The following CRACD variants were observed in gnomAD, a reference collection of about 807,000 sequenced individuals.
CRACD encodes capping protein inhibiting regulator of actin dynamics, also known as capping protein-inhibiting regulator of actin dynamics.
In CRACD, 56 loss-of-function variants were observed where a neutral mutation model predicts 106.8. The observed-to-expected ratio is 0.52, with a 90% CI of 0.42 to 0.66. The LOEUF is 0.66. Ranked by LOEUF, CRACD falls within the 30% of genes least tolerant of loss-of-function variation. The probability of loss-of-function intolerance (pLI) is 0.00; values close to 1 mark genes in which losing one functional copy is unlikely to be tolerated. For synonymous variants in CRACD, 754 were observed against 670.8 expected (o/e 1.12, Z -1.92); for missense variants, 1,730 against 1,623.2 (o/e 1.07, Z -1.13).
rs755678719 is a variant in CRACD, at chr4:56,314,658, T to G, written c.1156T>G (p.Leu386Val). 1.3e-6 allele frequency: 2 copies of G among 1,543,402 alleles called. No homozygotes were observed. Among genetic ancestry groups the G allele is most frequent in the Non-Finnish European group, 8.7e-7 (1 of 1,143,908 alleles). The change falls in exon 8 of 11, where the codon TTG becomes GTG. Residue 386 changes from leucine to valine, a missense_variant. Leu to Val is a conservative substitution (Grantham distance 32). Around this residue, in one of 5 missense-constraint regions of CRACD, gnomAD observed 1,620 missense variants for 1,481.6 expected, o/e 1.09. Coordinates refer to ENST00000682029, the MANE Select transcript of CRACD (RefSeq NM_001393381.1). This position sits in a 1 kb window ranked among gnomAD's most constrained non-coding sequence, Gnocchi z 4.4. Reference sequence around the variant, plus strand: ...GGAGGTGCAGGGGCCGCCCGAGGCGTTGGAGGAGACTGGGGAGGGCCGGCG... The same window carrying G: ...GGAGGTGCAGGGGCCGCCCGAGGCGGTGGAGGAGACTGGGGAGGGCCGGCG... ...EAEVQGPPEA[L>V]EETGEGRRGA... is the part of the protein sequence containing the mutation.
intron 1 of CRACD, among the ~76,000 whole-genome samples, chr4:56,100,414 A>T (rs1024377958): frequency 3.3e-5 from 5 of 152,236 alleles, no homozygotes; most frequent in African/African-American, 1.2e-4. Context: ...CATTTTAGTG[A>T]CAAGAAGCAA....
At chr4:56,174,621 T>G (rs1447668555) in intron 1 of CRACD, among the ~76,000 whole-genome samples, 3 of 152,254 alleles carry the variant, frequency 2.0e-5, no homozygotes, top group Non-Finnish European at 4.4e-5. Context: ...ATTTCATTTT[T>G]TATGGCTAAA....
rs769452031 is a variant in CRACD, at chr4:56,314,425, GT to G, written c.924del (p.Glu309ArgfsTer115). On this transcript the variant is annotated frameshift_variant, in exon 8 of 11. Coordinates refer to ENST00000682029, the MANE Select transcript of CRACD (RefSeq NM_001393381.1). LOFTEE classifies it high-confidence loss of function. This position sits in a 1 kb window ranked among gnomAD's most constrained non-coding sequence, Gnocchi z 4.4. ...PGWEDAERRE[R>X]EERERLEAEE... ...TGGGAGGACGCGGAGCGGAGGGAGC[GT>G]GAGGAGCGCGAGCGCCTGGAGGCGG... 4.0e-5 allele frequency: 62 copies of G among 1,542,544 alleles called. No individual in the cohort carries two copies. The highest frequency in any genetic ancestry group is 1.4e-4 in the Admixed American group (7 of 50,208).
Position 56,049,099 on chromosome 4 carries a change from CA to C in CRACD, c.-535del. On this transcript the variant is annotated 5_prime_UTR_variant, in exon 1 of 11. Transcript: ENST00000682029. ...ACCACGCCGCGCGGGGCCGGGCGCG[CA>C]GTGCCGCGCGGTGGCGGCAGTGGGG... 1 of 149,934 alleles carries C rather than the reference CA, an allele frequency of 6.7e-6. No homozygotes were observed. Among genetic ancestry groups the C allele is most frequent in the Non-Finnish European group, 1.5e-5 (1 of 67,164 alleles). 9.3% of individuals were successfully genotyped at this position (149,934 alleles called of 1,614,324 possible). A position where few individuals can be genotyped will look rare whatever the true frequency, so the allele number is the denominator to read the frequency against.
At chr4:56,281,489 C>T (rs1292904150) in intron 3 of CRACD, among the ~76,000 whole-genome samples, 1 of 152,130 alleles carries the variant, frequency 6.6e-6, no homozygotes, top group Non-Finnish European at 1.5e-5. Context: ...TCTCAGGAAG[C>T]CAGGTGTCTC....
chr4:56,276,768 C>T (rs568438305), intron 3 of CRACD, among the ~76,000 whole-genome samples: 81 of 152,334 alleles, frequency 5.3e-4, no homozygotes, highest in South Asian at 1.2e-3. Flanking sequence ...AGTCACTAGG[C>T]TCAGATGTCT....
chr4:56,249,913 T>C (rs1740948189), intron 2 of CRACD, among the ~76,000 whole-genome samples: 1 of 152,220 alleles, frequency 6.6e-6, no homozygotes, highest in Non-Finnish European at 1.5e-5. Context: ...TCCAGAATTG[T>C]AGGCAACCTG....
chr4:56,129,909 G>A (rs1405036200), intron 1 of CRACD, among the ~76,000 whole-genome samples: 2 of 152,180 alleles, frequency 1.3e-5, no homozygotes, highest in African/African-American at 4.8e-5. Context: ...ATTCAAGTGA[G>A]AATAGTCTTG....
chr4:56,132,727 G>A (rs1734867243), intron 1 of CRACD, among the ~76,000 whole-genome samples: 1 of 152,126 alleles, frequency 6.6e-6, no homozygotes, highest in African/African-American at 2.4e-5. Context: ...CTAGAGGGCA[G>A]ACACATCATT....
At chr4:56,206,342 G>T (rs1468558051) in intron 2 of CRACD, among the ~76,000 whole-genome samples, 1 of 152,150 alleles carries the variant, frequency 6.6e-6, no homozygotes, top group South Asian at 2.1e-4. Flanking sequence ...CACTGCATGC[G>T]TGCCCTGAGA....
chr4:56,103,412 A>G (rs1733844618), intron 1 of CRACD, among the ~76,000 whole-genome samples: 3 of 152,206 alleles, frequency 2.0e-5, no homozygotes, highest in Admixed American at 2.0e-4. Context: ...CACCAGCCTG[A>G]GAAACATAGG....
At chr4:56,097,304 G>C (rs559866847) in intron 1 of CRACD, 3 of 152,528 alleles carry the variant, frequency 2.0e-5, no homozygotes, top group African/African-American at 7.2e-5. Flanking sequence ...AAGATGAATG[G>C]TGTGGAAGGG....
At chr4:56,280,779 A>C (rs1742995891) in intron 3 of CRACD, among the ~76,000 whole-genome samples, 1 of 152,206 alleles carries the variant, frequency 6.6e-6, no homozygotes, top group South Asian at 2.1e-4. Context: ...AAGAATCCAC[A>C]GTTGGTGCCA....
chr4:56,179,935 T>G (rs6844662), intron 2 of CRACD, among the ~76,000 whole-genome samples: 1 of 151,586 alleles, frequency 6.6e-6, no homozygotes, highest in Non-Finnish European at 1.5e-5. Flanking sequence ...GAGAATCGCT[T>G]GAACTCAGGA....
At chr4:56,063,615 G>A (rs1430751620) in intron 1 of CRACD, among the ~76,000 whole-genome samples, 1 of 151,956 alleles carries the variant, frequency 6.6e-6, no homozygotes, top group Non-Finnish European at 1.5e-5. Flanking sequence ...TTGTATAACT[G>A]GGATCTCATG....
intron 2 of CRACD, among the ~76,000 whole-genome samples, chr4:56,187,319 T>G (rs955230127): frequency 2.0e-5 from 3 of 152,038 alleles, no homozygotes; most frequent in Non-Finnish European, 4.4e-5. Context: ...GAGGTGTCAT[T>G]CGAGCTGTCT....
At chr4:56,165,841 C>T (rs972013816) in intron 1 of CRACD, among the ~76,000 whole-genome samples, 45 of 152,140 alleles carry the variant, frequency 3.0e-4, no homozygotes, top group African/African-American at 1.1e-3. Flanking sequence ...AGAGCAAAAA[C>T]TAATTCATTG....
At chr4:56,205,113 A>G (rs181267674) in intron 2 of CRACD, among the ~76,000 whole-genome samples, 2 of 152,268 alleles carry the variant, frequency 1.3e-5, no homozygotes, top group East Asian at 3.9e-4. Context: ...CTATGATCAC[A>G]CCACTGCACT....
intron 2 of CRACD, among the ~76,000 whole-genome samples, chr4:56,237,222 A>G (rs1216238192): frequency 2.0e-5 from 3 of 152,194 alleles, no homozygotes; most frequent in Non-Finnish European, 4.4e-5. Flanking sequence ...TATCTATGAT[A>G]TATATAATAA....
Sources: allele counts gnomAD v4.1 joint callset (sites outside exome capture counted in the v4.1 genomes callset), GRCh38; gene constraint gnomAD v4.1.1; regional missense constraint gnomAD v4.1.1; non-coding constraint Gnocchi (gnomAD v3.1); transcripts MANE v1.5; gene names NCBI Gene and HGNC (gene_info 2026-07-23, HGNC 2026-07-21).